HMCN1: variants seen among roughly 807,000 people sequenced by gnomAD.
HMCN1 encodes hemicentin-1.
Under a neutral mutation model 625.9 loss-of-function variants are expected in HMCN1, and 321 were observed. That is an observed-to-expected ratio of 0.51 (90% CI 0.47 to 0.56). HMCN1 has a LOEUF of 0.56. Among genes scored for constraint, HMCN1 ranks in the 20% least tolerant of loss-of-function variants. HMCN1 has a pLI of 0.00. For synonymous variants in HMCN1, 2,425 were observed against 2,417.6 expected (o/e 1.00, Z -0.09); for missense variants, 6,588 against 6,887.3 (o/e 0.96, Z 1.54).
At chr1:186,129,902 G>A in intron 83 of HMCN1, 64 bp from the exon 84 acceptor site, 3 of 1,596,290 alleles carry the variant, frequency 1.9e-6, no homozygotes, top group South Asian at 1.1e-5. Context: ...GCAAAATACT[G>A]AGCTGTCGTG....
At chr1:186,028,700 T>A (rs1655217954) in intron 36 of HMCN1, among the ~76,000 whole-genome samples, 1 of 151,674 alleles carries the variant, frequency 6.6e-6, no homozygotes, top group African/African-American at 2.4e-5. Context: ...AGTTACTGAG[T>A]TATGTTTTGA....
chr1:185,935,414 C>T (rs1042899670), intron 11 of HMCN1, among the ~76,000 whole-genome samples: 1 of 152,024 alleles, frequency 6.6e-6, no homozygotes, highest in Non-Finnish European at 1.5e-5. Flanking sequence ...CAAGTAGTTC[C>T]ATGGACATTT....
At chr1:185,818,624 T>C (rs745585750) in intron 1 of HMCN1, among the ~76,000 whole-genome samples, 2 of 152,168 alleles carry the variant, frequency 1.3e-5, no homozygotes, top group African/African-American at 2.4e-5. Flanking sequence ...ATTTTGGGCT[T>C]TTTTTGGCAG....
At chr1:185,783,832 T>C (rs1657343775) in intron 1 of HMCN1, among the ~76,000 whole-genome samples, 1 of 152,190 alleles carries the variant, frequency 6.6e-6, no homozygotes, top group Admixed American at 6.5e-5. Flanking sequence ...TTCTCAGATC[T>C]CAAACTCCAT....
At chr1:185,874,360 A>C (rs1370255588) in intron 4 of HMCN1, among the ~76,000 whole-genome samples, 1 of 152,028 alleles carries the variant, frequency 6.6e-6, no homozygotes, top group Non-Finnish European at 1.5e-5. Flanking sequence ...GCAATAGCAA[A>C]GGGGAGATGA....
rs759376128 is a variant in HMCN1, at chr1:186,076,545, C to T, written c.8408C>T (p.Ala2803Val). 6.2e-7 allele frequency: 1 copy of T among 1,613,760 alleles called. No individual in the cohort carries two copies. Among genetic ancestry groups the T allele is most frequent in the Non-Finnish European group, 8.5e-7 (1 of 1,179,766 alleles). The part of the protein sequence containing the change: ...NPISLYCETN[A>V]APPPTLTWYK... Reference sequence around the variant, plus strand: ...ATTTCTCTTTACTGTGAGACAAATGCTGCTCCCCCTCCTACACTGACATGG... The same window carrying T: ...ATTTCTCTTTACTGTGAGACAAATGTTGCTCCCCCTCCTACACTGACATGG... Residue 2803 changes from alanine to valine, a missense_variant, in exon 54 of 107, where the codon GCT (alanine) becomes GTT (valine). Physicochemically the swap from Ala to Val is moderately conservative, Grantham distance 64. Transcript: ENST00000271588.
At chr1:186,005,380 A>T (rs990996124) in intron 29 of HMCN1, among the ~76,000 whole-genome samples, 3 of 147,098 alleles carry the variant, frequency 2.0e-5, no homozygotes, top group Non-Finnish European at 4.5e-5. Flanking sequence ...TTGTTTATAA[A>T]TGTTTATAAA....
Position 185,963,883 on chromosome 1 carries a change from C to G in HMCN1, c.2086C>G (p.Leu696Val), listed in dbSNP as rs886045663. Residue 696 changes from leucine to valine, a missense_variant, in exon 13 of 107, where the codon CTC becomes GTC. This residue lies in a region of HMCN1 where 4,628 missense variants were observed against 4,853.1 expected (regional missense o/e 0.95). Coordinates refer to ENST00000271588, the MANE Select transcript of HMCN1 (RefSeq NM_031935.3). The stretch of plus-strand genomic sequence containing the variant: ...TGGAACAGATAAACAGAATTCTACT[C>G]TCAGATACATTGGCAAGTATAATCA... The part of the protein sequence containing the change: ...SAGTDKQNST[L>V]RYIEAPKLMV... 6.2e-7 allele frequency: 1 copy of G among 1,611,820 alleles called. No individual in the cohort carries two copies. The highest frequency in any genetic ancestry group is 1.3e-5 in the African/African-American group (1 of 74,928).
At chr1:186,056,172 G>T (rs1455211939) in intron 45 of HMCN1, among the ~76,000 whole-genome samples, 1 of 151,902 alleles carries the variant, frequency 6.6e-6, no homozygotes, top group East Asian at 1.9e-4. Context: ...TGTACAATTT[G>T]AACTATAATT....
At chr1:185,806,079 AATAAT>A (rs1207888354) in intron 1 of HMCN1, among the ~76,000 whole-genome samples, 1 of 151,906 alleles carries the variant, frequency 6.6e-6, no homozygotes, top group Non-Finnish European at 1.5e-5. Flanking sequence ...TAATAATAAT[AATAAT>A]ATAATAATAG....
intron 97 of HMCN1, among the ~76,000 whole-genome samples, chr1:186,155,700 G>A (rs115372669): frequency 2.6e-4 from 40 of 152,192 alleles, no homozygotes; most frequent in African/African-American, 9.6e-4. Context: ...GACCTTTAAG[G>A]CCCCTTACTA....
rs754846722 is a variant in HMCN1, at chr1:186,137,800, A to G, written c.13754-2A>G. 6.2e-7 allele frequency: 1 copy of G among 1,614,106 alleles called. No individual in the cohort carries two copies. Among genetic ancestry groups the G allele is most frequent in the Non-Finnish European group, 8.5e-7 (1 of 1,179,980 alleles). On this transcript the variant is annotated splice_acceptor_variant, in intron 88 of 106. Coordinates refer to ENST00000271588, the MANE Select transcript of HMCN1 (RefSeq NM_031935.3). LOFTEE classifies it high-confidence loss of function. ...ATGGTGTAATGGTTCACCTTTGTAT[A>G]GTGGATGGTAGCTGGTCGGAATGGA...
At chr1:185,742,431 A>G (rs1326574433) in intron 1 of HMCN1, among the ~76,000 whole-genome samples, 1 of 151,640 alleles carries the variant, frequency 6.6e-6, no homozygotes, top group Non-Finnish European at 1.5e-5. Context: ...CTTTTTTTTT[A>G]GTAAAATCAT....
chr1:185,823,577 G>A (rs549443019), intron 1 of HMCN1, among the ~76,000 whole-genome samples: 18 of 152,086 alleles, frequency 1.2e-4, no homozygotes, highest in Non-Finnish European at 8.8e-5. Flanking sequence ...ATGACCAGTC[G>A]GTCATGAGCT....
chr1:185,942,022 C>G (rs1571591377), intron 11 of HMCN1, among the ~76,000 whole-genome samples: 1 of 151,694 alleles, frequency 6.6e-6, no homozygotes, highest in South Asian at 2.1e-4. Context: ...GAAACTCCAT[C>G]TCTACTAAAA....
At chr1:186,182,078 T>A in intron 104 of HMCN1, 90 bp from the exon 105 acceptor site, 1 of 1,434,936 alleles carries the variant, frequency 7.0e-7, no homozygotes, top group Non-Finnish European at 9.8e-7. Flanking sequence ...GTTTTTCTAA[T>A]GTATATCAAC....
intron 82 of HMCN1, 33 bp downstream of exon 82, chr1:186,125,827 GC>G: frequency 6.6e-7 from 1 of 1,525,240 alleles, no homozygotes; most frequent in Non-Finnish European, 9.1e-7. Flanking sequence ...GATACATTAA[GC>G]CAGATTGTAA....
intron 4 of HMCN1, among the ~76,000 whole-genome samples, chr1:185,900,896 G>A (rs1251039659): frequency 6.6e-6 from 1 of 151,856 alleles, no homozygotes; most frequent in African/African-American, 2.4e-5. Flanking sequence ...ATATGTTAAA[G>A]TATCTAAAGA....
At chr1:186,150,440 A>ATTGT (rs1650596315) in intron 93 of HMCN1, among the ~76,000 whole-genome samples, 1 of 152,140 alleles carries the variant, frequency 6.6e-6, no homozygotes. Flanking sequence ...AAAATTTATA[A>ATTGT]TTGTTTTGCA....
Sources: allele counts gnomAD v4.1 joint callset (sites outside exome capture counted in the v4.1 genomes callset), GRCh38; gene constraint gnomAD v4.1.1; regional missense constraint gnomAD v4.1.1; transcripts MANE v1.5; gene names NCBI Gene and HGNC (gene_info 2026-07-23, HGNC 2026-07-21).